Variants in KIF3A observed in about 807,000 individuals in gnomAD.
KIF3A encodes the protein kinesin-like protein KIF3A.
In KIF3A, 27 loss-of-function variants were observed where a neutral mutation model predicts 92.6. The observed-to-expected ratio is 0.29, with a 90% CI of 0.21 to 0.40. The LOEUF is 0.40. Among genes scored for constraint, KIF3A ranks in the 10% least tolerant of loss-of-function variants. The pLI is 1.00. For missense variants in KIF3A, 581 were observed against 872.6 expected, an observed-to-expected ratio of 0.67 and a Z score of 4.21; for synonymous variants, 250 against 275.4, an observed-to-expected ratio of 0.91 and a Z score of 0.92.
chr5:132,716,204 A>G (rs1753615612), intron 7 of KIF3A, 41 bp downstream of exon 7: 2 of 1,456,368 alleles, frequency 1.4e-6, no homozygotes, highest in East Asian at 4.6e-5. Flanking sequence ...TTACAATCTT[A>G]AATTTGCCTG....
intron 2 of KIF3A, among the ~76,000 whole-genome samples, chr5:132,732,553 G>C (rs1308883026): frequency 1.3e-5 from 2 of 152,134 alleles, no homozygotes; most frequent in East Asian, 3.8e-4. Context: ...GAGGCGGGTG[G>C]ATCACAAGAT....
At position 132,694,454 on chromosome 5, in the gene KIF3A, C is replaced by T. The variant is rs1752768803; in HGVS notation, c.*2180G>A. 6.6e-6 allele frequency: 1 copy of T among 152,142 alleles called. No homozygotes were observed. The highest frequency in any genetic ancestry group is 1.5e-5 in the Non-Finnish European group (1 of 68,004). 9.4% of individuals were successfully genotyped at this position (152,142 alleles called of 1,614,324 possible). A position where few individuals can be genotyped will look rare whatever the true frequency, so the allele number is the denominator to read the frequency against. ...TCTCAATTGACTTTTTATAGATCGG[C>T]TTTTTATTTTGACTTTTTATAGATT... is the stretch of plus-strand genomic sequence containing the variant. On this transcript the variant is annotated 3_prime_UTR_variant, in exon 19 of 19. Coordinates refer to ENST00000403231, the MANE Select transcript of KIF3A (RefSeq NM_001300791.2).
At position 132,720,186 on chromosome 5, in the gene KIF3A, T is replaced by C. The variant is rs984429388; in HGVS notation, c.616+423A>G. Among the ~76,000 whole-genome samples, 3 of 152,244 alleles carry C rather than the reference T, an allele frequency of 2.0e-5. No homozygotes were observed. The East Asian group carries it at 5.8e-4, about 29-fold the overall frequency. On this transcript the variant is annotated intron_variant, in intron 5 of 18. Transcript: ENST00000403231. Reference sequence around the variant, plus strand: ...TCACTCTACCACTTAGTAGTTATAGTACTTAGACAAGTTACTTAAACTAAG... The same window carrying C: ...TCACTCTACCACTTAGTAGTTATAGCACTTAGACAAGTTACTTAAACTAAG...
chr5:132,730,423 C>T (rs1018319829), intron 2 of KIF3A, among the ~76,000 whole-genome samples: 11 of 150,276 alleles, frequency 7.3e-5, no homozygotes, highest in East Asian at 2.0e-4. Flanking sequence ...GCCGAGATCG[C>T]GCCACTGCAC....
chr5:132,710,284 T>C (rs1164168192), intron 9 of KIF3A, among the ~76,000 whole-genome samples: 1 of 152,198 alleles, frequency 6.6e-6, no homozygotes, highest in Non-Finnish European at 1.5e-5. Context: ...ACTAATCTTG[T>C]TTGTGGAAAA....
At position 132,703,595 on chromosome 5, in the gene KIF3A, T is replaced by A; in HGVS notation, c.1334A>T (p.Lys445Met). 1.2e-6 allele frequency: 2 copies of A among 1,607,372 alleles called. No homozygotes were observed. The highest frequency in any genetic ancestry group is 1.7e-6 in the Non-Finnish European group (2 of 1,177,842). ...AATTTTTGCTTGCATTTCAATCATC[T>A]TGTCTGGGGAGACTTTCTTTTTTCC... ...QAGKKKVSPD[K>M]MIEMQAKIDE... Residue 445 changes from lysine to methionine, a missense_variant, in exon 12 of 19, where the codon AAG (lysine) becomes ATG (methionine). Transcript: ENST00000403231.
chr5:132,737,325 C>G (rs1163636835), intron 1 of KIF3A, 89 bp downstream of exon 1: 9 of 1,464,554 alleles, frequency 6.1e-6, no homozygotes, highest in Non-Finnish European at 8.3e-6. Context: ...GGCCGCCTGC[C>G]GGCTCCGCGC....
At chr5:132,700,148 A>G in intron 17 of KIF3A, 68 bp downstream of exon 17, 1 of 821,808 alleles carries the variant, frequency 1.2e-6, no homozygotes, top group South Asian at 1.6e-5. Flanking sequence ...CAATTTAATG[A>G]CTCATATTCC....
intron 16 of KIF3A, 145 bp downstream of exon 16, chr5:132,700,502 A>G (rs1752997648): frequency 1.5e-6 from 1 of 664,000 alleles, no homozygotes. Flanking sequence ...ATTACATGGA[A>G]TTAGAAAAAT....
intron 2 of KIF3A, among the ~76,000 whole-genome samples, chr5:132,733,016 T>C (rs1371625915): frequency 6.6e-6 from 1 of 151,974 alleles, no homozygotes; most frequent in Admixed American, 6.6e-5. Context: ...AAAGGCCACA[T>C]AGCATATAAT....
Position 132,711,040 on chromosome 5 carries a change from A to T in KIF3A, c.1147T>A (p.Ser383Thr). Residue 383 changes from serine (S) to threonine (T), a missense_variant, in exon 9 of 19, where the codon TCT becomes ACT. This residue lies in a region of KIF3A where 167 missense variants were observed against 205.8 expected (regional missense o/e 0.81). Coordinates refer to ENST00000403231, the MANE Select transcript of KIF3A (RefSeq NM_001300791.2). ...KLEEGEEISG[S>T]DISGSEEDDD... Reference sequence around the variant, plus strand: ...TCTTCCTCTGACCCACTGATATCAGAGCCTGATATTTCTTCTCCTTGGACA... The same window carrying T: ...TCTTCCTCTGACCCACTGATATCAGTGCCTGATATTTCTTCTCCTTGGACA... 6.2e-7 allele frequency: 1 copy of T among 1,610,172 alleles called. No homozygotes were observed. The highest frequency in any genetic ancestry group is 8.5e-7 in the Non-Finnish European group (1 of 1,176,520).
chr5:132,724,835 AT>A (rs1753978642), intron 4 of KIF3A, among the ~76,000 whole-genome samples: 1 of 58,526 alleles, frequency 1.7e-5, no homozygotes, highest in Non-Finnish European at 3.9e-5. Flanking sequence ...ATATATATAT[AT>A]ATATATATAT....
chr5:132,702,616 T>G lies in KIF3A; in HGVS notation c.1700A>C (p.Gln567Pro). Residue 567 changes from glutamine to proline, a missense_variant, in exon 14 of 19, where the codon CAG becomes CCG. Physicochemically the swap from Gln to Pro is moderately conservative, Grantham distance 76. Coordinates refer to ENST00000403231, the MANE Select transcript of KIF3A (RefSeq NM_001300791.2). ...EKYTSLQEEA[Q>P]GKTKKLKKVW... is the part of the protein sequence containing the mutation. ...TTTCTTTAACTTCTTGGTCTTTCCCTGTGCTTCCTCTTGCAAACTGGTATA... is the reference window on the plus strand; with the variant it reads ...TTTCTTTAACTTCTTGGTCTTTCCCGGTGCTTCCTCTTGCAAACTGGTATA... 1 of 1,613,342 alleles carries G rather than the reference T, an allele frequency of 6.2e-7. No individual in the cohort carries two copies. The highest frequency in any genetic ancestry group is 8.5e-7 in the Non-Finnish European group (1 of 1,179,660).
At position 132,703,450 on chromosome 5, in the gene KIF3A, C is replaced by A. The variant is rs1279691456; in HGVS notation, c.1466+13G>T. 2 of 1,585,824 alleles carry A rather than the reference C, an allele frequency of 1.3e-6. No individual in the cohort carries two copies. The highest frequency in any genetic ancestry group is 8.6e-7 in the Non-Finnish European group (1 of 1,162,736). ...TTTAAATCATGAATTCATCTCAATTCAATAATACTCACTGGGCTTTAAGAA... is the reference window on the plus strand; with the variant it reads ...TTTAAATCATGAATTCATCTCAATTAAATAATACTCACTGGGCTTTAAGAA... On this transcript the variant is annotated intron_variant, in intron 12 of 18. Coordinates refer to ENST00000403231, the MANE Select transcript of KIF3A (RefSeq NM_001300791.2).
At position 132,727,741 on chromosome 5, in the gene KIF3A, G is replaced by A. The variant is rs192296358; in HGVS notation, c.281-1243C>T. ...TGATCACTATGGCTATATTGTGGAT[G>A]AAGAATTGGAGAAAACCAAGGGTCG... On this transcript the variant is annotated intron_variant, in intron 2 of 18. Coordinates refer to ENST00000403231, the MANE Select transcript of KIF3A (RefSeq NM_001300791.2). Among the ~76,000 whole-genome samples the A allele has an allele frequency of 2.7e-3, 409 of 152,298 alleles. 2 individuals are homozygous for A. Among genetic ancestry groups the A allele is most frequent in the Non-Finnish European group, 4.9e-3 (332 of 68,026 alleles).
intron 4 of KIF3A, among the ~76,000 whole-genome samples, chr5:132,725,915 A>G (rs1754017802): frequency 1.3e-5 from 2 of 152,204 alleles, no homozygotes; most frequent in Non-Finnish European, 2.9e-5. Flanking sequence ...ATATGCAGCA[A>G]TATCAAATTT....
chr5:132,717,063 A>G, intron 5 of KIF3A, 79 bp from the exon 6 acceptor site: 1 of 1,379,708 alleles, frequency 7.2e-7, no homozygotes, highest in Middle Eastern at 2.4e-4. Flanking sequence ...GAACAGTTTA[A>G]AACACTTAAT....
At position 132,710,996 on chromosome 5, in the gene KIF3A, C is replaced by A. The variant is rs773862656; in HGVS notation, c.1191G>T (p.Glu397Asp). 1 of 1,611,722 alleles carries A rather than the reference C, an allele frequency of 6.2e-7. No individual in the cohort carries two copies. Among genetic ancestry groups the A allele is most frequent in the Non-Finnish European group, 8.5e-7 (1 of 1,177,882 alleles). Reference sequence around the variant, plus strand: ...TCCTTTTCTCTCCATCTTCTCCAACCTCACCCTCTTCATCATCATCTTCCT... The same window carrying A: ...TCCTTTTCTCTCCATCTTCTCCAACATCACCCTCTTCATCATCATCTTCCT... ...GSEEDDDEEG[E>D]VGEDGEKRKK... Residue 397 changes from glutamate (E) to aspartate (D), a missense_variant, in exon 9 of 19, where the codon GAG (glutamate) becomes GAT (aspartate). Glu to Asp is a conservative substitution (Grantham distance 45, BLOSUM62 2). Coordinates refer to ENST00000403231, the MANE Select transcript of KIF3A (RefSeq NM_001300791.2).
intron 5 of KIF3A, among the ~76,000 whole-genome samples, chr5:132,718,891 A>G (rs911295464): frequency 6.6e-6 from 1 of 151,994 alleles, no homozygotes; most frequent in African/African-American, 2.4e-5. Context: ...GGCCTCCCAG[A>G]GTGTTGGGAT....
Sources: gnomAD v4.1 joint callset for allele counts (sites outside exome capture counted in the v4.1 genomes callset) on GRCh38, gnomAD v4.1.1 for gene constraint, gnomAD v4.1.1 regional missense constraint, MANE v1.5 for transcripts, NCBI Gene and HGNC (gene_info 2026-07-23, HGNC 2026-07-21) for gene names.